Variants in HIVEP3 observed in about 807,000 individuals in gnomAD.
The protein encoded by HIVEP3 is transcription factor HIVEP3.
In HIVEP3, 49 loss-of-function variants were observed where a neutral mutation model predicts 152.8. That is an observed-to-expected ratio of 0.32 (90% CI 0.26 to 0.41). The LOEUF is 0.41. Among genes scored for constraint, HIVEP3 ranks in the 10% least tolerant of loss-of-function variants. The probability of loss-of-function intolerance (pLI) is 1.00; values close to 1 mark genes in which losing one functional copy is unlikely to be tolerated. For missense variants in HIVEP3, 2,790 were observed against 3,103.3 expected, an observed-to-expected ratio of 0.90 and a Z score of 2.40; for synonymous variants, 1,269 against 1,289.0, an observed-to-expected ratio of 0.98 and a Z score of 0.33.
intron 3 of HIVEP3, among the ~76,000 whole-genome samples, chr1:41,626,500 G>C (rs76231972): frequency 0.021 from 3,137 of 152,256 alleles, 102 homozygotes; most frequent in African/African-American, 0.072. Flanking sequence ...GGCACGAAGC[G>C]GGGGGAGGGG....
chr1:41,608,457 G>A (rs1019325084), intron 3 of HIVEP3, among the ~76,000 whole-genome samples: 5 of 152,180 alleles, frequency 3.3e-5, no homozygotes, highest in Admixed American at 6.5e-5. Context: ...GGAATTTGGC[G>A]GCCACTGGCT....
chr1:41,700,850 CA>C (rs1444178015), intron 2 of HIVEP3, 65 bp downstream of exon 2: 1 of 729,974 alleles, frequency 1.4e-6, no homozygotes, highest in African/African-American at 1.9e-5. Flanking sequence ...CCTCAAAACA[CA>C]GCCTAATGGC....
At chr1:41,885,052 TA>T (rs1351724428) in intron 1 of HIVEP3, among the ~76,000 whole-genome samples, 1 of 152,186 alleles carries the variant, frequency 6.6e-6, no homozygotes, top group Non-Finnish European at 1.5e-5. Context: ...AGCAGTCCCT[TA>T]TTATACAAGC....
At chr1:41,655,881 A>C (rs1645621997) in intron 2 of HIVEP3, among the ~76,000 whole-genome samples, 2 of 152,130 alleles carry the variant, frequency 1.3e-5, no homozygotes, top group African/African-American at 4.8e-5. Flanking sequence ...GAATGACTAT[A>C]TGCTTGGTTT....
In HIVEP3 at chr1:41,513,228, G is replaced by A. The variant is rs759353868; in HGVS notation, c.5993C>T (p.Ser1998Phe). Residue 1998 changes from serine (S) to phenylalanine (F), a missense_variant, in exon 8 of 9, where the codon TCC becomes TTC. Ser to Phe is a radical substitution (Grantham distance 155). This residue lies in a region of HIVEP3 where 816 missense variants were observed against 806.5 expected (regional missense o/e 1.01). Coordinates refer to ENST00000372583, the MANE Select transcript of HIVEP3 (RefSeq NM_024503.5). ...TKNDSSPQRC[S>F]PAREPQASAP... ...TGAGGCCTGTGGTTCTCGGGCCGGG[G>A]AGCATCGCTGGGGAGATGAGTCGTT... 1 of 1,613,714 alleles carries A rather than the reference G, an allele frequency of 6.2e-7. No homozygotes were observed. The highest frequency in any genetic ancestry group is 1.3e-5 in the African/African-American group (1 of 75,052).
intron 1 of HIVEP3, among the ~76,000 whole-genome samples, chr1:41,990,209 G>T (rs1297517912): frequency 1.8e-5 from 2 of 110,778 alleles, no homozygotes; most frequent in Non-Finnish European, 3.7e-5. Context: ...ATGAAATTCT[G>T]GGTTGAAAAT....
chr1:42,022,698 C>A (rs1460358481), intron 1 of HIVEP3, among the ~76,000 whole-genome samples: 1 of 152,134 alleles, frequency 6.6e-6, no homozygotes, highest in Non-Finnish European at 1.5e-5. Flanking sequence ...TTTTATATAT[C>A]TCTTCTTTTT....
chr1:42,027,323 C>T (rs1421276), intron 1 of HIVEP3, among the ~76,000 whole-genome samples: 26,228 of 152,168 alleles, frequency 0.17, 2,351 homozygotes, highest in Admixed American at 0.26. Flanking sequence ...TTTATCAGGA[C>T]TATTGCATAG....
intron 2 of HIVEP3, among the ~76,000 whole-genome samples, chr1:41,686,660 CCTG>C (rs1329448929): frequency 6.6e-6 from 1 of 152,084 alleles, no homozygotes; most frequent in Non-Finnish European, 1.5e-5. Flanking sequence ...GTCAAGGAGT[CCTG>C]GTGAAGACAG....
chr1:41,929,411 T>A (rs1463475728), intron 1 of HIVEP3, among the ~76,000 whole-genome samples: 1 of 152,080 alleles, frequency 6.6e-6, no homozygotes, highest in Non-Finnish European at 1.5e-5. Context: ...TTGTTGTTGT[T>A]GTTGTTCAGC....
At chr1:42,033,019 C>A (rs1055950227) in intron 1 of HIVEP3, among the ~76,000 whole-genome samples, 7 of 152,038 alleles carry the variant, frequency 4.6e-5, no homozygotes, top group Non-Finnish European at 1.5e-5. Flanking sequence ...TGGAGGTGTC[C>A]AAGCAGGAGC....
At chr1:41,656,973 C>T (rs182090148) in intron 2 of HIVEP3, among the ~76,000 whole-genome samples, 49 of 152,160 alleles carry the variant, frequency 3.2e-4, no homozygotes, top group African/African-American at 1.1e-3. Context: ...AGAATGATCC[C>T]ATTCTAGAGA....
At chr1:41,953,791 A>G (rs114625291) in intron 1 of HIVEP3, among the ~76,000 whole-genome samples, 230 of 152,380 alleles carry the variant, frequency 1.5e-3, no homozygotes, top group African/African-American at 4.9e-3. Context: ...AGGGAGAAGG[A>G]GAAGAAGAGG....
chr1:41,794,190 G>A (rs1461483675), intron 1 of HIVEP3, among the ~76,000 whole-genome samples: 1 of 152,196 alleles, frequency 6.6e-6, no homozygotes, highest in South Asian at 2.1e-4. Context: ...GAAGAGCAAT[G>A]GGACGGCTTA....
intron 5 of HIVEP3, among the ~76,000 whole-genome samples, chr1:41,549,488 C>T (rs1016467798): frequency 3.3e-5 from 5 of 152,202 alleles, no homozygotes; most frequent in African/African-American, 1.2e-4. Flanking sequence ...ACACCCCCAC[C>T]AACAGTGTAA....
intron 3 of HIVEP3, among the ~76,000 whole-genome samples, chr1:41,627,362 A>AT (rs1645132057): frequency 2.6e-5 from 4 of 152,210 alleles, no homozygotes; most frequent in African/African-American, 9.6e-5. Flanking sequence ...AACCACTAAG[A>AT]GTCGGGGCTG....
chr1:41,759,316 T>G (rs1289256745), intron 1 of HIVEP3, among the ~76,000 whole-genome samples: 1 of 152,116 alleles, frequency 6.6e-6, no homozygotes, highest in African/African-American at 2.4e-5. Flanking sequence ...CTTAGCATGT[T>G]TTCAAGGTTC....
At chr1:41,600,889 T>C (rs1043325696) in intron 3 of HIVEP3, among the ~76,000 whole-genome samples, 14 of 152,170 alleles carry the variant, frequency 9.2e-5, no homozygotes. Context: ...CTTTAATCCA[T>C]TTTGAGTTGA....
At chr1:41,596,144 C>T (rs1400527593) in intron 3 of HIVEP3, among the ~76,000 whole-genome samples, 1 of 152,000 alleles carries the variant, frequency 6.6e-6, no homozygotes, top group Non-Finnish European at 1.5e-5. Flanking sequence ...CCTCCTAGGC[C>T]CCAGAATGAC....
Sources: allele counts gnomAD v4.1 joint callset (sites outside exome capture counted in the v4.1 genomes callset), GRCh38; gene constraint gnomAD v4.1.1; regional missense constraint gnomAD v4.1.1; transcripts MANE v1.5; gene names NCBI Gene and HGNC (gene_info 2026-07-23, HGNC 2026-07-21).